The following PRDM5 variants were observed in gnomAD, a reference collection of about 807,000 sequenced individuals.
PRDM5 encodes the protein PR domain zinc finger protein 5.
PRDM5 carries 56 observed loss-of-function variants against 81.2 expected under a neutral mutation model. The observed-to-expected ratio is 0.69, with a 90% CI of 0.56 to 0.86. The LOEUF (loss-of-function observed/expected upper bound fraction) is 0.86, where lower values mean the gene tolerates loss of function less well. PRDM5 is among the 40% of genes least tolerant of loss of function. The pLI, the probability that PRDM5 is intolerant of heterozygous loss-of-function variation, is 0.00. For missense variants in PRDM5, 697 were observed against 770.1 expected (o/e 0.91, Z 1.12); for synonymous variants, 267 against 256.4 (o/e 1.04, Z -0.39).
intron 2 of PRDM5, among the ~76,000 whole-genome samples, chr4:120,891,968 C>A (rs1764098493): frequency 6.6e-6 from 1 of 152,190 alleles, no homozygotes; most frequent in Non-Finnish European, 1.5e-5. Context: ...TCACTCTTAA[C>A]ACTGCTTTAG....
intron 15 of PRDM5, 83 bp downstream of exon 15, chr4:120,710,220 GACACAC>G (rs1553945560): frequency 6.1e-6 from 6 of 981,556 alleles, no homozygotes; most frequent in East Asian, 2.8e-5. Context: ...CACACACACA[GACACAC>G]ACACACACAC....
At chr4:120,858,814 G>A (rs989840898) in intron 2 of PRDM5, among the ~76,000 whole-genome samples, 2 of 152,132 alleles carry the variant, frequency 1.3e-5, no homozygotes, top group Non-Finnish European at 2.9e-5. Context: ...AAGTACTGAT[G>A]AGAAAAATAA....
At chr4:120,916,114 C>G (rs1174799282) in intron 1 of PRDM5, among the ~76,000 whole-genome samples, 2 of 152,130 alleles carry the variant, frequency 1.3e-5, no homozygotes, top group African/African-American at 4.8e-5. Flanking sequence ...ATGGGCCAGG[C>G]ACGGTGGTTC....
intron 8 of PRDM5, among the ~76,000 whole-genome samples, chr4:120,805,788 G>A (rs1752828062): frequency 6.6e-6 from 1 of 152,112 alleles, no homozygotes; most frequent in Non-Finnish European, 1.5e-5. Flanking sequence ...TTGTAAATTG[G>A]CATAAGACAG....
intron 8 of PRDM5, among the ~76,000 whole-genome samples, chr4:120,805,347 T>C (rs1561309005): frequency 6.6e-6 from 1 of 152,136 alleles, no homozygotes; most frequent in Non-Finnish European, 1.5e-5. Context: ...CCTAACTCAT[T>C]TTGTGAGGCC....
chr4:120,754,724 T>C, intron 13 of PRDM5, 86 bp from the exon 14 acceptor site: 5 of 934,396 alleles, frequency 5.4e-6, no homozygotes, highest in Non-Finnish European at 5.2e-6. Flanking sequence ...ACTCAGATCC[T>C]GGCCACCGCA....
chr4:120,798,131 C>G lies in PRDM5; in HGVS notation c.1188+136G>C, dbSNP rs146775024. 1.2e-4 allele frequency: 67 copies of G among 578,888 alleles called. No individual in the cohort carries two copies. The African/African-American group carries it at 1.2e-3, about 10-fold the overall frequency. The allele number at this position is 578,888 out of a possible 1,614,324, so 35.9% of individuals were successfully genotyped here. On this transcript the variant is annotated intron_variant, in intron 10 of 15. Coordinates refer to ENST00000264808, the MANE Select transcript of PRDM5 (RefSeq NM_018699.4). Reference sequence around the variant, plus strand: ...GGAAGGAGGCTGTGAGGGGTTATGGCCCAGGTGAGTGATCTTCTCTAGTTG... The same window carrying G: ...GGAAGGAGGCTGTGAGGGGTTATGGGCCAGGTGAGTGATCTTCTCTAGTTG...
intron 15 of PRDM5, among the ~76,000 whole-genome samples, chr4:120,698,930 A>G (rs1734903518): frequency 6.6e-6 from 1 of 152,030 alleles, no homozygotes; most frequent in Admixed American, 6.6e-5. Context: ...AAAATGTTTC[A>G]GCATGCAACT....
chr4:120,867,463 T>C (rs1232484400), intron 2 of PRDM5, among the ~76,000 whole-genome samples: 1 of 152,218 alleles, frequency 6.6e-6, no homozygotes, highest in African/African-American at 2.4e-5. Context: ...TATTACTGAA[T>C]GGTCTGAGTA....
chr4:120,821,476 T>A, intron 3 of PRDM5, 131 bp from the exon 4 acceptor site: 1 of 862,154 alleles, frequency 1.2e-6, no homozygotes, highest in Non-Finnish European at 1.8e-6. Flanking sequence ...TTCTAGTTGA[T>A]CTGGGTGCTG....
rs151208481 is a variant in PRDM5, at chr4:120,807,958, G to A, written c.945+3412C>T. Reference sequence around the variant, plus strand: ...GGTGAGTGTTACAGTTCTTAAAGGCGGCACATCTGGAGTTGTTTGCTCCTC... The same window carrying A: ...GGTGAGTGTTACAGTTCTTAAAGGCAGCACATCTGGAGTTGTTTGCTCCTC... On this transcript the variant is annotated intron_variant, in intron 8 of 15. Transcript: ENST00000264808. Among the ~76,000 whole-genome samples, 25 of 152,124 alleles carry A rather than the reference G, an allele frequency of 1.6e-4. No homozygotes were observed. The East Asian group carries it at 2.7e-3, about 17-fold the overall frequency.
At chr4:120,791,461 C>T (rs1418347874) in intron 10 of PRDM5, among the ~76,000 whole-genome samples, 1 of 152,176 alleles carries the variant, frequency 6.6e-6, no homozygotes, top group Non-Finnish European at 1.5e-5. Flanking sequence ...AGAACTTCCT[C>T]TTACACAAAA....
intron 10 of PRDM5, among the ~76,000 whole-genome samples, chr4:120,792,629 C>T (rs1324752532): frequency 1.3e-5 from 2 of 152,040 alleles, no homozygotes; most frequent in Middle Eastern, 3.4e-3. Flanking sequence ...AGGTTCATTG[C>T]GTAAAAGCCA....
intron 13 of PRDM5, among the ~76,000 whole-genome samples, chr4:120,772,617 C>T (rs897011013): frequency 2.0e-5 from 3 of 152,134 alleles, no homozygotes; most frequent in African/African-American, 7.2e-5. Context: ...ACGGAAATGG[C>T]CCCAGTTAAA....
chr4:120,779,934 A>AAT (rs142001312), intron 12 of PRDM5, among the ~76,000 whole-genome samples: 7,029 of 151,214 alleles, frequency 0.046, 312 homozygotes, highest in Middle Eastern at 0.15. Flanking sequence ...ACAAACAAAC[A>AAT]ATATATATAT....
chr4:120,830,086 C>T, intron 3 of PRDM5, among the ~76,000 whole-genome samples: 1 of 151,982 alleles, frequency 6.6e-6, no homozygotes. Context: ...AAATCATTTC[C>T]ACATTAAAAT....
At chr4:120,792,311 T>C (rs1276285730) in intron 10 of PRDM5, among the ~76,000 whole-genome samples, 2 of 152,182 alleles carry the variant, frequency 1.3e-5, no homozygotes, top group Non-Finnish European at 2.9e-5. Flanking sequence ...GTGCGGAGAC[T>C]GAAACCATGA....
intron 10 of PRDM5, 68 bp from the exon 11 acceptor site, chr4:120,785,159 C>T (rs986182888): frequency 9.8e-6 from 12 of 1,222,774 alleles, no homozygotes; most frequent in Non-Finnish European, 1.3e-5. Flanking sequence ...ACGAGTGGAG[C>T]TTGGATTCAT....
chr4:120,733,975 A>G (rs2667182), intron 14 of PRDM5, among the ~76,000 whole-genome samples: 150,312 of 151,732 alleles, frequency 0.99, 74,469 homozygotes, highest in East Asian at 1. Flanking sequence ...GGCAGGGAAG[A>G]ATGTATAAAA....
Sources: gnomAD v4.1 joint callset for allele counts (sites outside exome capture counted in the v4.1 genomes callset) on GRCh38, gnomAD v4.1.1 for gene constraint, MANE v1.5 for transcripts, NCBI Gene and HGNC (gene_info 2026-07-23, HGNC 2026-07-21) for gene names.